SLC26A4: variants seen among roughly 807,000 people sequenced by gnomAD.
SLC26A4 encodes pendrin.
SLC26A4 carries 93 observed loss-of-function variants against 90.4 expected under a neutral mutation model. That is an observed-to-expected ratio of 1.03 (90% CI 0.87 to 1.22). The LOEUF (loss-of-function observed/expected upper bound fraction) is 1.22, where lower values mean the gene tolerates loss of function less well. Among genes scored for constraint, SLC26A4 ranks in the 50% most tolerant of loss-of-function variants. The probability of loss-of-function intolerance (pLI) is 0.00; values close to 1 mark genes in which losing one functional copy is unlikely to be tolerated. For synonymous variants in SLC26A4, 393 were observed against 354.6 expected, an observed-to-expected ratio of 1.11 and a Z score of -1.22; for missense variants, 1,127 against 946.2, an observed-to-expected ratio of 1.19 and a Z score of -2.51.
chr7:107,679,403 G>A (rs968668444), intron 6 of SLC26A4, among the ~76,000 whole-genome samples: 2 of 152,130 alleles, frequency 1.3e-5, no homozygotes, highest in African/African-American at 4.8e-5. Flanking sequence ...ATGCCTGACA[G>A]CAAAAGGTGG....
At chr7:107,691,873 G>C (rs771738130) in intron 10 of SLC26A4, 12 of 1,242,870 alleles carry the variant, frequency 9.7e-6, no homozygotes, top group Non-Finnish European at 1.2e-5. Context: ...AAGGGGAAGA[G>C]GTCAGAGCCA....
chr7:107,708,168 T>C (rs1360103042), intron 18 of SLC26A4, among the ~76,000 whole-genome samples: 1 of 152,180 alleles, frequency 6.6e-6, no homozygotes, highest in Admixed American at 6.5e-5. Flanking sequence ...TAATGCTCAA[T>C]TTTTAGAAAA....
At chr7:107,677,435 T>A (rs554905567) in intron 6 of SLC26A4, among the ~76,000 whole-genome samples, 1 of 152,256 alleles carries the variant, frequency 6.6e-6, no homozygotes, top group East Asian at 1.9e-4. Flanking sequence ...ATAGTAAGAA[T>A]TGAGTTTATT....
At chr7:107,671,408 C>G (rs141935768) in intron 3 of SLC26A4, among the ~76,000 whole-genome samples, 33 of 152,280 alleles carry the variant, frequency 2.2e-4, no homozygotes, top group African/African-American at 7.5e-4. Flanking sequence ...GATACTCCTG[C>G]CTATGGCTTC....
chr7:107,694,723 C>A lies in SLC26A4; in HGVS notation c.1437+7C>A, dbSNP rs559614118. ...ACAGAATAAGATTGATGCTGTAAGT[C>A]ACCTACCACCTATATTTATCTGAAA... is the stretch of plus-strand genomic sequence containing the variant. On this transcript the variant is annotated splice_region_variant and intron_variant, in intron 12 of 20. Transcript: ENST00000644269. The A allele has an allele frequency of 5.2e-6, 8 of 1,547,448 alleles. No homozygotes were observed. The African/African-American group carries it at 8.1e-5, about 16-fold the overall frequency.
At chr7:107,694,542 T>C in intron 11 of SLC26A4, 62 bp downstream of exon 11, 6 of 1,523,042 alleles carry the variant, frequency 3.9e-6, no homozygotes, top group South Asian at 1.1e-5. Context: ...TGCTACCAGA[T>C]AAATAACAGG....
intron 19 of SLC26A4, 55 bp from the exon 20 acceptor site, chr7:107,712,484 G>T: frequency 1.2e-6 from 1 of 854,854 alleles, no homozygotes. Flanking sequence ...ATTTTCAGTG[G>T]AGCATCAGGT....
intron 18 of SLC26A4, among the ~76,000 whole-genome samples, chr7:107,704,937 C>T (rs953397193): frequency 8.5e-5 from 13 of 152,174 alleles, no homozygotes; most frequent in Admixed American, 2.6e-4. Context: ...TGTCTGTTGT[C>T]GTCTAGTGCG....
chr7:107,714,559 G>T (rs924411683), intron 20 of SLC26A4, among the ~76,000 whole-genome samples: 9 of 152,108 alleles, frequency 5.9e-5, no homozygotes, highest in Non-Finnish European at 1.2e-4. Context: ...CTTAGTTTGA[G>T]TAAAAACTCA....
intron 3 of SLC26A4, among the ~76,000 whole-genome samples, chr7:107,670,710 C>T (rs994654845): frequency 1.3e-5 from 2 of 152,114 alleles, no homozygotes; most frequent in African/African-American, 4.8e-5. Context: ...TTTTAATAAA[C>T]TACTATAAAT....
chr7:107,712,668 ATAAT>A (rs1356438008), intron 20 of SLC26A4, 46 bp downstream of exon 20: 1 of 978,648 alleles, frequency 1.0e-6, no homozygotes, highest in African/African-American at 1.6e-5. Flanking sequence ...TACATTTTGA[ATAAT>A]TAGAGTAATA....
Position 107,715,300 on chromosome 7 carries a change from T to C in SLC26A4, c.2320-123T>C, listed in dbSNP as rs60170932. 2.3e-3 allele frequency: 1,856 copies of C among 819,616 alleles called. 16 individuals are homozygous for C. The African/African-American group carries it at 0.027, about 12-fold the overall frequency. 50.8% of individuals were successfully genotyped at this position (819,616 alleles called of 1,614,324 possible). ...TTTTACCCTATTTCTATTGTGATGA[T>C]ATACACCTAAGATGAGTAGCAGTAA... is the stretch of plus-strand genomic sequence containing the variant. On this transcript the variant is annotated intron_variant, in intron 20 of 20. Transcript: ENST00000644269.
At chr7:107,696,307 C>G (rs946099208) in intron 13 of SLC26A4, among the ~76,000 whole-genome samples, 1 of 152,168 alleles carries the variant, frequency 6.6e-6, no homozygotes, top group Non-Finnish European at 1.5e-5. Flanking sequence ...ACAGCTAGTA[C>G]GTGGCAGAGC....
At position 107,696,023 on chromosome 7, in the gene SLC26A4, G is replaced by C; in HGVS notation, c.1528G>C (p.Val510Leu). The change falls in exon 13 of 21, where the codon GTC (valine) becomes CTC (leucine). Residue 510 changes from valine to leucine, a missense_variant. Transcript: ENST00000644269. ...AGLIFGLLTV[V>L]LRVQFPSWNG... Reference sequence around the variant, plus strand: ...CCTTATATTTGGACTGTTGACTGTGGTCCTGAGAGTTCAGTTGTGAGTAAC... The same window carrying C: ...CCTTATATTTGGACTGTTGACTGTGCTCCTGAGAGTTCAGTTGTGAGTAAC... The C allele has an allele frequency of 6.2e-7, 1 of 1,600,604 alleles. No individual in the cohort carries two copies. Among genetic ancestry groups the C allele is most frequent in the Non-Finnish European group, 8.6e-7 (1 of 1,167,868 alleles).
At position 107,676,084 on chromosome 7, in the gene SLC26A4, T is replaced by C. The variant is rs576578204; in HGVS notation, c.765+975T>C. Among the ~76,000 whole-genome samples, 12 of 152,348 alleles carry C rather than the reference T, an allele frequency of 7.9e-5. No individual in the cohort carries two copies. The South Asian group carries it at 1.9e-3, about 24-fold the overall frequency. The stretch of plus-strand genomic sequence containing the variant: ...CTGGATACATCATGTAGGGTGCTAA[T>C]TGAAAGCTCAGTTTTAGAACTGGAT... On this transcript the variant is annotated intron_variant, in intron 6 of 20. Coordinates refer to ENST00000644269, the MANE Select transcript of SLC26A4 (RefSeq NM_000441.2).
At chr7:107,672,271 A>G in intron 4 of SLC26A4, 23 bp downstream of exon 4, 3 of 1,441,660 alleles carry the variant, frequency 2.1e-6, no homozygotes, top group Non-Finnish European at 2.9e-6. Flanking sequence ...ATATTTTACA[A>G]TTATATTTGC....
chr7:107,686,961 T>C (rs568036460), intron 8 of SLC26A4, among the ~76,000 whole-genome samples: 1 of 152,346 alleles, frequency 6.6e-6, no homozygotes, highest in Admixed American at 6.5e-5. Context: ...CAGGGTTTTT[T>C]TCCTGGCTGC....
intron 8 of SLC26A4, among the ~76,000 whole-genome samples, chr7:107,686,290 TCCTACCTTC>T (rs1444760942): frequency 6.7e-4 from 63 of 94,684 alleles, no homozygotes; most frequent in East Asian, 1.7e-3. Context: ...TCCCTCCCTT[TCCTACCTTC>T]CCTCCCTTCC....
rs2129314481 is a variant in SLC26A4, at chr7:107,683,293, A to G, written c.857A>G (p.Lys286Arg). The change falls in exon 7 of 21, where the codon AAG becomes AGG. Residue 286 changes from lysine to arginine, a missense_variant. Lys to Arg is a conservative substitution (Grantham distance 26). Coordinates refer to ENST00000644269, the MANE Select transcript of SLC26A4 (RefSeq NM_000441.2). ...LLTIVVCMAVKELNDRFRHKI... is the reference protein window; with the variant it reads ...LLTIVVCMAVRELNDRFRHKI... The stretch of plus-strand genomic sequence containing the variant: ...ACCATTGTCGTCTGTATGGCAGTTA[A>G]GGAATTAAATGATCGGTTTAGACAC... 6.2e-7 allele frequency: 1 copy of G among 1,613,694 alleles called. No individual in the cohort carries two copies. Among genetic ancestry groups the G allele is most frequent in the East Asian group, 2.2e-5 (1 of 44,874 alleles).
Sources: gnomAD v4.1 joint callset for allele counts (sites outside exome capture counted in the v4.1 genomes callset) on GRCh38, gnomAD v4.1.1 for gene constraint, MANE v1.5 for transcripts, NCBI Gene and HGNC (gene_info 2026-07-23, HGNC 2026-07-21) for gene names.